STARD13: variants seen among roughly 807,000 people sequenced by gnomAD.
STARD13 encodes the protein StAR related lipid transfer domain containing 13.
A neutral mutation model predicts 106.4 loss-of-function variants in STARD13; 62 were observed. The ratio of observed to expected loss-of-function variants is 0.58; its 90% CI spans 0.48 to 0.72. The LOEUF (loss-of-function observed/expected upper bound fraction) is 0.72, where lower values mean the gene tolerates loss of function less well. Ranked by LOEUF, STARD13 falls within the 30% of genes least tolerant of loss-of-function variation. The pLI, the probability that STARD13 is intolerant of heterozygous loss-of-function variation, is 0.00. For synonymous variants in STARD13, 565 were observed against 553.0 expected (o/e 1.02, Z -0.31); for missense variants, 1,387 against 1,424.0 (o/e 0.97, Z 0.42).
chr13:33,631,661 T>C, the STARD13 span, among the ~76,000 whole-genome samples: 1 of 151,696 alleles, frequency 6.6e-6, no homozygotes, highest in Non-Finnish European at 1.5e-5. Context: ...ATGATAGTTA[T>C]ATTTGTTGAA....
At chr13:33,258,775 T>A (rs966816945) in intron 1 of STARD13, among the ~76,000 whole-genome samples, 2 of 152,244 alleles carry the variant, frequency 1.3e-5, no homozygotes, top group African/African-American at 4.8e-5. Flanking sequence ...CACAGTGACC[T>A]ATCTAGGCCT....
intron 1 of STARD13, among the ~76,000 whole-genome samples, chr13:33,206,781 G>A (rs1425113981): frequency 6.6e-6 from 1 of 152,182 alleles, no homozygotes; most frequent in Non-Finnish European, 1.5e-5. Context: ...ATGCTCGATG[G>A]TAATCTCACC....
the STARD13 span, among the ~76,000 whole-genome samples, chr13:33,546,541 C>T: frequency 6.6e-6 from 1 of 152,084 alleles, no homozygotes; most frequent in Non-Finnish European, 1.5e-5. Context: ...ATAATTTATA[C>T]TGTTAGTCTT....
intron 1 of STARD13, chr13:33,277,778 T>C (rs1891525163): frequency 3.3e-5 from 5 of 152,174 alleles, no homozygotes; most frequent in Admixed American, 3.3e-4. Flanking sequence ...ATTTGAGGAA[T>C]GGTTGTATTC....
the STARD13 span, among the ~76,000 whole-genome samples, chr13:33,411,117 T>C: frequency 0.01 from 1,560 of 152,322 alleles, 37 homozygotes; most frequent in African/African-American, 0.036. Flanking sequence ...CTTCAAAATA[T>C]TGGGACATAG....
chr13:33,441,876 T>C, the STARD13 span, among the ~76,000 whole-genome samples: 1 of 152,198 alleles, frequency 6.6e-6, no homozygotes, highest in Admixed American at 6.5e-5. Context: ...CCAAGGATAT[T>C]CACATATGAA....
the STARD13 span, among the ~76,000 whole-genome samples, chr13:33,448,709 T>G: frequency 1.3e-5 from 2 of 152,198 alleles, no homozygotes; most frequent in African/African-American, 4.8e-5. Context: ...TGAACTAATT[T>G]ACATTTCCCC....
intron 1 of STARD13, chr13:33,280,995 T>C (rs1233932297): frequency 1.3e-5 from 2 of 152,188 alleles, no homozygotes; most frequent in Non-Finnish European, 2.9e-5. Context: ...ACTGATATAT[T>C]CCACATAATA....
At chr13:33,230,292 C>A (rs926100557) in intron 1 of STARD13, among the ~76,000 whole-genome samples, 1 of 152,158 alleles carries the variant, frequency 6.6e-6, no homozygotes, top group African/African-American at 2.4e-5. Context: ...TAAACCTAAA[C>A]AGCCACAACT....
chr13:33,576,282 G>A, the STARD13 span, among the ~76,000 whole-genome samples: 8 of 152,048 alleles, frequency 5.3e-5, no homozygotes, highest in Admixed American at 2.0e-4. Context: ...CAGTGCAGTC[G>A]CTCCATCATA....
chr13:33,392,355 G>T, the STARD13 span, among the ~76,000 whole-genome samples: 1 of 152,086 alleles, frequency 6.6e-6, no homozygotes, highest in Non-Finnish European at 1.5e-5. Context: ...ATGTTGATTT[G>T]GCCATATCTT....
At chr13:33,289,187 G>A (rs747626692), upstream of STARD13, among the ~76,000 whole-genome samples, 2 of 152,182 alleles carry the variant, frequency 1.3e-5, no homozygotes, top group Non-Finnish European at 2.9e-5. Context: ...CTTTAAAAAT[G>A]AGGAAAACAG....
rs377756673 is a variant in STARD13 at position 33,229,186 on chromosome 13, T to C, written c.169+56284A>G. Among the ~76,000 whole-genome samples, 89 of 152,182 alleles carry C rather than the reference T, an allele frequency of 5.8e-4. 3 individuals carry two copies. The South Asian group carries it at 0.016, about 27-fold the overall frequency. Reference sequence around the variant, plus strand: ...ATGCAACCAACGGAGGGAAAACTCCTTGGTGGGAAAGTAAACAATGCAGTG... The same window carrying C: ...ATGCAACCAACGGAGGGAAAACTCCCTGGTGGGAAAGTAAACAATGCAGTG... On this transcript the variant is annotated intron_variant, in intron 1 of 13. Transcript: ENST00000336934.
intron 1 of STARD13, among the ~76,000 whole-genome samples, chr13:33,229,274 G>A (rs1888782519): frequency 6.6e-6 from 1 of 152,206 alleles, no homozygotes; most frequent in African/African-American, 2.4e-5. Flanking sequence ...GTAAACAGGG[G>A]AAGACAGTTG....
At chr13:33,276,337 G>A (rs568483877) in intron 1 of STARD13, 1 of 152,168 alleles carries the variant, frequency 6.6e-6, no homozygotes, top group Non-Finnish European at 1.5e-5. Context: ...TTTGAGAAAT[G>A]CATGTAGTGG....
the STARD13 span, among the ~76,000 whole-genome samples, chr13:33,597,394 T>C: frequency 6.6e-6 from 1 of 152,156 alleles, no homozygotes; most frequent in Non-Finnish European, 1.5e-5. Context: ...GTTTCTCTTT[T>C]TTTTTTGCTG....
the STARD13 span, among the ~76,000 whole-genome samples, chr13:33,369,304 C>G: frequency 1.4e-5 from 2 of 147,372 alleles, no homozygotes; most frequent in African/African-American, 5.0e-5. Context: ...GAAATCTTAC[C>G]TGCTCCTCGA....
chr13:33,625,370 G>A, the STARD13 span, among the ~76,000 whole-genome samples: 1 of 152,024 alleles, frequency 6.6e-6, no homozygotes, highest in Non-Finnish European at 1.5e-5. Flanking sequence ...AAGAGATTGA[G>A]ACCATCCTGG....
chr13:33,295,704 C>CG (rs112934415), intron 1 of STARD13, among the ~76,000 whole-genome samples: 3,918 of 151,232 alleles, frequency 0.026, 130 homozygotes, highest in African/African-American at 0.076. Context: ...AGAGGGTGCC[C>CG]GGGGGGGGCA....
Sources: gnomAD v4.1 joint callset for allele counts (sites outside exome capture counted in the v4.1 genomes callset) on GRCh38, gnomAD v4.1.1 for gene constraint, MANE v1.5 for transcripts, NCBI Gene and HGNC (gene_info 2026-07-23, HGNC 2026-07-21) for gene names.